The following PRKG2 variants were observed in gnomAD, a reference collection of about 807,000 sequenced individuals.
PRKG2 encodes protein kinase cGMP-dependent 2.
A neutral mutation model predicts 97.2 loss-of-function variants in PRKG2; 33 were observed. That is an observed-to-expected ratio of 0.34 (90% CI 0.26 to 0.45). The LOEUF (loss-of-function observed/expected upper bound fraction) is 0.45, where lower values mean the gene tolerates loss of function less well. Ranked by LOEUF, PRKG2 falls within the 20% of genes least tolerant of loss-of-function variation. The pLI, the probability that PRKG2 is intolerant of heterozygous loss-of-function variation, is 1.00. For missense variants in PRKG2, 638 were observed against 900.0 expected (o/e 0.71, Z 3.73); for synonymous variants, 330 against 321.8 (o/e 1.03, Z -0.27).
At chr4:81,157,411 C>T (rs1218385450) in intron 6 of PRKG2, among the ~76,000 whole-genome samples, 1 of 152,172 alleles carries the variant, frequency 6.6e-6, no homozygotes, top group Non-Finnish European at 1.5e-5. Context: ...AGACCAATAA[C>T]AGGAGCTGAA....
chr4:81,137,602 C>G lies in PRKG2; in HGVS notation c.1545-120G>C, dbSNP rs545704531. The G allele has an allele frequency of 2.0e-4, 150 of 737,626 alleles. 1 individual carries two copies. The South Asian group carries it at 2.2e-3, about 11-fold the overall frequency. 45.7% of individuals were successfully genotyped at this position (737,626 alleles called of 1,614,324 possible). A position where few individuals can be genotyped will look rare whatever the true frequency, so the allele number is the denominator to read the frequency against. ...ATGATACTCATCTCCATATAAATACCCCACAACTACACTGGGCTTCTCGCC... is the reference window on the plus strand; with the variant it reads ...ATGATACTCATCTCCATATAAATACGCCACAACTACACTGGGCTTCTCGCC... On this transcript the variant is annotated intron_variant, in intron 12 of 18. Coordinates refer to ENST00000264399, the MANE Select transcript of PRKG2 (RefSeq NM_006259.3).
chr4:81,108,802 C>G (rs1396333304), intron 15 of PRKG2, among the ~76,000 whole-genome samples: 1 of 152,118 alleles, frequency 6.6e-6, no homozygotes, highest in Non-Finnish European at 1.5e-5. Context: ...GAGGCTGAAG[C>G]AAGAGGATTG....
chr4:81,152,303 T>TCCAG (rs1748483981), intron 7 of PRKG2, among the ~76,000 whole-genome samples: 1 of 152,168 alleles, frequency 6.6e-6, no homozygotes, highest in Non-Finnish European at 1.5e-5. Flanking sequence ...CCATCTAAAC[T>TCCAG]CCACCTCCTA....
chr4:81,134,373 A>G (rs1746460592), intron 14 of PRKG2, among the ~76,000 whole-genome samples: 1 of 152,164 alleles, frequency 6.6e-6, no homozygotes, highest in Non-Finnish European at 1.5e-5. Context: ...TGAAGTGAGA[A>G]ACTTTTAATA....
At chr4:81,178,920 A>G (rs1272381813) in intron 2 of PRKG2, among the ~76,000 whole-genome samples, 1 of 151,954 alleles carries the variant, frequency 6.6e-6, no homozygotes, top group Non-Finnish European at 1.5e-5. Context: ...AAGTCAAGAG[A>G]TAGAGACCAT....
chr4:81,164,681 T>C (rs1267028597), intron 6 of PRKG2, among the ~76,000 whole-genome samples: 1 of 151,996 alleles, frequency 6.6e-6, no homozygotes, highest in Non-Finnish European at 1.5e-5. Flanking sequence ...ATTCAGTAAG[T>C]GTGGGGTGGT....
intron 15 of PRKG2, among the ~76,000 whole-genome samples, chr4:81,107,249 A>G (rs1743438059): frequency 6.6e-6 from 1 of 152,144 alleles, no homozygotes; most frequent in Admixed American, 6.6e-5. Flanking sequence ...TAGATTTATG[A>G]CATAGGCATT....
chr4:81,148,890 T>A lies in PRKG2; in HGVS notation c.1148A>T (p.Asp383Val). 3.1e-6 allele frequency: 5 copies of A among 1,613,672 alleles called. No homozygotes were observed. Among genetic ancestry groups the A allele is most frequent in the Non-Finnish European group, 2.5e-6 (3 of 1,179,622 alleles). ...EENDVACLVI[D>V]RETFNQTVGT... Reference sequence around the variant, plus strand: ...CCAACATCAGTATACTCACTCTCGATCTATAACCAGGCATGCAACATCATT... The same window carrying A: ...CCAACATCAGTATACTCACTCTCGAACTATAACCAGGCATGCAACATCATT... The change falls in exon 9 of 19, where the codon GAT becomes GTT. Residue 383 changes from aspartate to valine, a missense_variant. Asp to Val is a radical substitution (Grantham distance 152, BLOSUM62 -3). This residue lies in a region of PRKG2 where 304 missense variants were observed against 460.5 expected (regional missense o/e 0.66). Transcript: ENST00000264399.
At chr4:81,170,323 T>G (rs1425978245) in intron 4 of PRKG2, among the ~76,000 whole-genome samples, 2 of 152,106 alleles carry the variant, frequency 1.3e-5, no homozygotes, top group Non-Finnish European at 2.9e-5. Flanking sequence ...GTTTTTGAGA[T>G]AATTTTTTTT....
intron 17 of PRKG2, among the ~76,000 whole-genome samples, chr4:81,096,309 AT>A (rs1214868684): frequency 6.6e-6 from 1 of 152,108 alleles, no homozygotes; most frequent in Non-Finnish European, 1.5e-5. Context: ...TGGGAGGCTA[AT>A]GTGGGAGGAT....
chr4:81,135,199 T>A lies in PRKG2; in HGVS notation c.1732A>T (p.Lys578Ter). The A allele has an allele frequency of 6.2e-7, 1 of 1,611,476 alleles. No homozygotes were observed. The highest frequency in any genetic ancestry group is 8.5e-7 in the Non-Finnish European group (1 of 1,178,530). ...GCATCTAGAATTAAGTTTTCTGGTT[T>A]CAAGTCTCTGTAGATAATACCTAGT... ...HRLGIIYRDL[K>*]PENLILDAEG... The change falls in exon 14 of 19, where the codon AAA becomes TAA. Residue 578 changes from lysine to a stop codon, truncating the protein, a stop_gained. Coordinates refer to ENST00000264399, the MANE Select transcript of PRKG2 (RefSeq NM_006259.3). LOFTEE classifies it high-confidence loss of function.
At position 81,140,516 on chromosome 4, in the gene PRKG2, G is replaced by A. The variant is rs369640986; in HGVS notation, c.1544+17C>T. On this transcript the variant is annotated intron_variant, in intron 12 of 18. Transcript: ENST00000264399. ...GCCTGAAAATCCTAACTCCTTGGAA[G>A]CCAAGTGGTCACTTACTTCACAATG... 1.0e-5 allele frequency: 16 copies of A among 1,556,452 alleles called. No individual in the cohort carries two copies. The African/African-American group carries it at 1.5e-4, about 14-fold the overall frequency.
chr4:81,095,511 C>G (rs7655473), intron 17 of PRKG2, among the ~76,000 whole-genome samples: 3,377 of 152,274 alleles, frequency 0.022, 144 homozygotes, highest in African/African-American at 0.077. Context: ...TAATAAAAAT[C>G]ATTACCATCA....
chr4:81,134,300 A>G (rs557006834), intron 14 of PRKG2, among the ~76,000 whole-genome samples: 3 of 152,226 alleles, frequency 2.0e-5, no homozygotes, highest in Non-Finnish European at 4.4e-5. Flanking sequence ...TTAGCATAGT[A>G]GCTTTAAATA....
chr4:81,118,363 G>A (rs989267342), intron 14 of PRKG2, among the ~76,000 whole-genome samples: 2 of 152,158 alleles, frequency 1.3e-5, no homozygotes, highest in Admixed American at 1.3e-4. Flanking sequence ...CAAGAAACGT[G>A]ATTGTTGGAT....
rs1297517705 is a variant in PRKG2, at chr4:81,092,268, G to T, written c.2193+118C>A. 4 of 550,560 alleles carry T rather than the reference G, an allele frequency of 7.3e-6. No homozygotes were observed. The Admixed American group carries it at 1.1e-4, about 15-fold the overall frequency. The allele number at this position is 550,560 out of a possible 1,614,324, so 34.1% of individuals were successfully genotyped here. ...ACTCACTTAAATTAAAATAAAAACT[G>T]CTTTAAAAAAAAACACCCAAAATCT... On this transcript the variant is annotated intron_variant, in intron 18 of 18. Coordinates refer to ENST00000264399, the MANE Select transcript of PRKG2 (RefSeq NM_006259.3).
At chr4:81,170,204 T>C (rs1750341961) in intron 4 of PRKG2, among the ~76,000 whole-genome samples, 1 of 152,168 alleles carries the variant, frequency 6.6e-6, no homozygotes. Context: ...TGTGTCTTTT[T>C]ATGTTGTTCT....
intron 18 of PRKG2, among the ~76,000 whole-genome samples, chr4:81,090,552 G>A (rs879368587): frequency 2.6e-5 from 4 of 152,176 alleles, no homozygotes; most frequent in Admixed American, 6.5e-5. Context: ...TAGTGACCCT[G>A]TTGAGAGAGT....
intron 15 of PRKG2, among the ~76,000 whole-genome samples, chr4:81,109,674 CTAACT>C (rs1186421689): frequency 1.3e-5 from 2 of 152,048 alleles, no homozygotes; most frequent in South Asian, 2.1e-4. Context: ...ATAAAAATTC[CTAACT>C]TATCTTCCAC....
Sources: gnomAD v4.1 joint callset for allele counts (sites outside exome capture counted in the v4.1 genomes callset) on GRCh38, gnomAD v4.1.1 for gene constraint, gnomAD v4.1.1 regional missense constraint, MANE v1.5 for transcripts, NCBI Gene and HGNC (gene_info 2026-07-23, HGNC 2026-07-21) for gene names.